The following PPP4R3A variants were observed in gnomAD, a reference collection of about 807,000 sequenced individuals.
PPP4R3A encodes serine/threonine-protein phosphatase 4 regulatory subunit 3A.
A neutral mutation model predicts 91.7 loss-of-function variants in PPP4R3A; 15 were observed. The observed-to-expected ratio is 0.16, with a 90% CI of 0.11 to 0.25. PPP4R3A has a LOEUF of 0.25. PPP4R3A is among the 10% of genes least tolerant of loss of function. The pLI, the probability that PPP4R3A is intolerant of heterozygous loss-of-function variation, is 1.00. For synonymous variants in PPP4R3A, 377 were observed against 348.7 expected (o/e 1.08, Z -0.91); for missense variants, 623 against 998.4 (o/e 0.62, Z 5.07).
chr14:91,460,457 C>G (rs528586084), intron 14 of PPP4R3A, among the ~76,000 whole-genome samples: 4 of 152,076 alleles, frequency 2.6e-5, no homozygotes, highest in African/African-American at 9.6e-5. Flanking sequence ...ACTGAATGGG[C>G]ATTACGTGTC....
intron 4 of PPP4R3A, among the ~76,000 whole-genome samples, 178 bp downstream of exon 4, chr14:91,481,398 C>A (rs1307761713): frequency 2.0e-5 from 3 of 152,112 alleles, no homozygotes; most frequent in East Asian, 1.9e-4. Flanking sequence ...CCTCTCCTAC[C>A]CCAGATAGAG....
chr14:91,508,958 TTAGTG>T (rs1473414275), intron 1 of PPP4R3A, among the ~76,000 whole-genome samples: 1 of 152,226 alleles, frequency 6.6e-6, no homozygotes, highest in Non-Finnish European at 1.5e-5. Flanking sequence ...GCGTTTTCTC[TTAGTG>T]TAGAGTTGCC....
At chr14:91,462,629 C>T in intron 12 of PPP4R3A, 106 bp downstream of exon 12, 1 of 1,245,092 alleles carries the variant, frequency 8.0e-7, no homozygotes, top group Non-Finnish European at 1.2e-6. Context: ...TTGCTATCTG[C>T]TGATTTCCCT....
chr14:91,459,099 T>C (rs1434226605), intron 14 of PPP4R3A, among the ~76,000 whole-genome samples: 1 of 152,068 alleles, frequency 6.6e-6, no homozygotes, highest in African/African-American at 2.4e-5. Context: ...TTAATTAGAA[T>C]TAAAGCAAAA....
At chr14:91,498,260 G>C (rs1275212214) in intron 1 of PPP4R3A, among the ~76,000 whole-genome samples, 2 of 151,980 alleles carry the variant, frequency 1.3e-5, no homozygotes, top group Admixed American at 6.5e-5. Flanking sequence ...GCTTGAACCT[G>C]GGAGGCAGAG....
chr14:91,458,956 C>A (rs1036123159), intron 14 of PPP4R3A, 87 bp from the exon 15 acceptor site: 3 of 1,419,766 alleles, frequency 2.1e-6, no homozygotes, highest in Non-Finnish European at 2.8e-6. Context: ...GAAAATAGAT[C>A]CTACCAACAT....
chr14:91,460,110 C>G (rs1293605934), intron 14 of PPP4R3A, among the ~76,000 whole-genome samples: 2 of 152,104 alleles, frequency 1.3e-5, no homozygotes, highest in Non-Finnish European at 2.9e-5. Flanking sequence ...CTCCCGGGAT[C>G]ACACCATTCG....
chr14:91,464,341 CAAAAAAAGCATGTTACAG>C (rs934074035), intron 11 of PPP4R3A, among the ~76,000 whole-genome samples: 1 of 138,810 alleles, frequency 7.2e-6, no homozygotes, highest in African/African-American at 2.6e-5. Context: ...CCTCACCCCC[CAAAAAAAGCATGTTACAG>C]AAAAGTTCTG....
At chr14:91,461,826 C>A (rs1888179744) in intron 13 of PPP4R3A, 1 of 880,782 alleles carries the variant, frequency 1.1e-6, no homozygotes, top group Admixed American at 3.1e-5. Context: ...ATTTAGTATC[C>A]CTACCCTTCC....
At chr14:91,483,786 G>GT (rs1889712292) in intron 3 of PPP4R3A, among the ~76,000 whole-genome samples, 1 of 152,110 alleles carries the variant, frequency 6.6e-6, no homozygotes, top group Admixed American at 6.6e-5. Flanking sequence ...TTGAAAGGGA[G>GT]TATCAGAAAA....
chr14:91,505,071 T>C (rs1046431868), intron 1 of PPP4R3A, among the ~76,000 whole-genome samples: 1 of 152,178 alleles, frequency 6.6e-6, no homozygotes, highest in African/African-American at 2.4e-5. Flanking sequence ...TTAAAATGAA[T>C]TGCCTGAATT....
chr14:91,509,456 C>T, intron 1 of PPP4R3A, 50 bp downstream of exon 1: 2 of 1,543,138 alleles, frequency 1.3e-6, no homozygotes, highest in Non-Finnish European at 1.7e-6. Context: ...AGGGAGGCGG[C>T]CCAGGGCCGT....
At chr14:91,489,924 G>A (rs1890134953) in intron 2 of PPP4R3A, among the ~76,000 whole-genome samples, 1 of 152,160 alleles carries the variant, frequency 6.6e-6, no homozygotes, top group South Asian at 2.1e-4. Context: ...CGACCTTTAC[G>A]CATCACCCAA....
At chr14:91,485,132 G>T (rs1293449866) in intron 3 of PPP4R3A, among the ~76,000 whole-genome samples, 1 of 152,200 alleles carries the variant, frequency 6.6e-6, no homozygotes, top group East Asian at 1.9e-4. Context: ...GTTGATTTAG[G>T]AAGATCAGTC....
chr14:91,501,728 G>A (rs565983074), intron 1 of PPP4R3A, among the ~76,000 whole-genome samples: 7 of 148,054 alleles, frequency 4.7e-5, no homozygotes, highest in South Asian at 4.2e-4. Context: ...TTTTTGAGAC[G>A]GAATCTCGCT....
intron 5 of PPP4R3A, among the ~76,000 whole-genome samples, 160 bp from the exon 6 acceptor site, chr14:91,476,684 G>A (rs1889228177): frequency 6.6e-6 from 1 of 152,186 alleles, no homozygotes; most frequent in South Asian, 2.1e-4. Flanking sequence ...TCCTGCCTCA[G>A]CCTTCTGAGT....
intron 2 of PPP4R3A, among the ~76,000 whole-genome samples, chr14:91,490,477 AC>A (rs1410405527): frequency 8.8e-5 from 13 of 147,860 alleles, no homozygotes; most frequent in Admixed American, 3.4e-4. Context: ...ATCAATGGTC[AC>A]CTTTTTTTTT....
At chr14:91,478,342 G>A (rs534430042) in intron 4 of PPP4R3A, among the ~76,000 whole-genome samples, 1 of 152,328 alleles carries the variant, frequency 6.6e-6, no homozygotes, top group Admixed American at 6.5e-5. Context: ...AATGTTTATG[G>A]TACTACAAAG....
rs563075755 is a variant in PPP4R3A, at chr14:91,462,379, T to C, written c.1974-140A>G. Reference sequence around the variant, plus strand: ...AAGTATCAATGTAAATCCAGGTATTTAGATTAATGTACAAAATTTTAAATA... The same window carrying C: ...AAGTATCAATGTAAATCCAGGTATTCAGATTAATGTACAAAATTTTAAATA... On this transcript the variant is annotated intron_variant, in intron 12 of 14. Coordinates refer to ENST00000554943, the MANE Select transcript of PPP4R3A (RefSeq NM_001366432.2). 5.3e-5 allele frequency: 48 copies of C among 909,186 alleles called. No homozygotes were observed. The African/African-American group carries it at 7.5e-4, about 14-fold the overall frequency. The allele number at this position is 909,186 out of a possible 1,614,324, so 56.3% of individuals were successfully genotyped here.
Sources: gnomAD v4.1 joint callset for allele counts (sites outside exome capture counted in the v4.1 genomes callset) on GRCh38, gnomAD v4.1.1 for gene constraint, MANE v1.5 for transcripts, NCBI Gene and HGNC (gene_info 2026-07-23, HGNC 2026-07-21) for gene names.